The following TGFBR3 variants were observed in gnomAD, a reference collection of about 807,000 sequenced individuals.
TGFBR3 encodes the protein transforming growth factor beta receptor 3.
A neutral mutation model predicts 87.9 loss-of-function variants in TGFBR3; 46 were observed. The ratio of observed to expected loss-of-function variants is 0.52; its 90% CI spans 0.41 to 0.67. TGFBR3 has a LOEUF of 0.67. Ranked by LOEUF, TGFBR3 falls within the 30% of genes least tolerant of loss-of-function variation. The pLI is 0.00. For synonymous variants in TGFBR3, 381 were observed against 391.6 expected (o/e 0.97, Z 0.32); for missense variants, 866 against 1,041.9 (o/e 0.83, Z 2.32).
chr1:91,760,532 T>G (rs1287867504), intron 3 of TGFBR3, among the ~76,000 whole-genome samples: 1 of 152,296 alleles, frequency 6.6e-6, no homozygotes, highest in Middle Eastern at 3.4e-3. Flanking sequence ...AGCAAATTCA[T>G]ATATTTATAT....
At chr1:91,732,764 T>C (rs896597828) in intron 5 of TGFBR3, among the ~76,000 whole-genome samples, 6 of 152,320 alleles carry the variant, frequency 3.9e-5, no homozygotes, top group Middle Eastern at 6.8e-3. Flanking sequence ...CAGTTTTTAC[T>C]GCACCAGACA....
At chr1:91,750,688 G>C (rs1444348599) in intron 4 of TGFBR3, among the ~76,000 whole-genome samples, 3 of 152,160 alleles carry the variant, frequency 2.0e-5, no homozygotes, top group Non-Finnish European at 4.4e-5. Flanking sequence ...CCCTTCAAGA[G>C]AGAATTTATC....
rs756293851 is a variant in TGFBR3 at position 91,681,029 on chromosome 1, C to A, written c.*2710G>T. On this transcript the variant is annotated 3_prime_UTR_variant, in exon 17 of 17. Coordinates refer to ENST00000212355, the MANE Select transcript of TGFBR3 (RefSeq NM_003243.5). ...TGGGGCATTTTAACAACAGCTTCAG[C>A]ATCAAACAAACAACAAAATGGCCTC... 3.3e-5 allele frequency: 15 copies of A among 454,066 alleles called. 1 individual carries two copies. Among genetic ancestry groups the A allele is most frequent in the South Asian group, 2.0e-4 (13 of 64,474 alleles). 28.1% of individuals were successfully genotyped at this position (454,066 alleles called of 1,614,324 possible).
intron 2 of TGFBR3, among the ~76,000 whole-genome samples, chr1:91,825,035 AACC>A (rs983053074): frequency 9.2e-5 from 14 of 152,240 alleles, no homozygotes; most frequent in African/African-American, 3.4e-4. Flanking sequence ...AACACAGAGT[AACC>A]ATATGACCCA....
chr1:91,752,723 T>TA (rs60021429), intron 4 of TGFBR3, among the ~76,000 whole-genome samples: 1,932 of 146,708 alleles, frequency 0.013, 42 homozygotes, highest in African/African-American at 0.045. Flanking sequence ...AAAGCAAGAT[T>TA]AAAAAAAAAA....
At chr1:91,855,531 T>C (rs896824023) in intron 2 of TGFBR3, among the ~76,000 whole-genome samples, 2 of 152,108 alleles carry the variant, frequency 1.3e-5, no homozygotes, top group Admixed American at 1.3e-4. Context: ...TGTAGAACAG[T>C]TGGGAGGTTG....
intron 3 of TGFBR3, among the ~76,000 whole-genome samples, chr1:91,779,089 C>G (rs1474463855): frequency 6.6e-6 from 1 of 152,128 alleles, no homozygotes; most frequent in Non-Finnish European, 1.5e-5. Flanking sequence ...GGGAAAAGAT[C>G]ATTCAGGGCT....
At chr1:91,760,368 A>C (rs545143959) in intron 3 of TGFBR3, among the ~76,000 whole-genome samples, 74 of 152,306 alleles carry the variant, frequency 4.9e-4, no homozygotes, top group African/African-American at 1.6e-3. Flanking sequence ...GTGAGCCCAG[A>C]TCGTGCCACT....
intron 16 of TGFBR3, among the ~76,000 whole-genome samples, chr1:91,690,998 G>C (rs1671244407): frequency 6.6e-6 from 1 of 151,132 alleles, no homozygotes; most frequent in Non-Finnish European, 1.5e-5. Context: ...TTTTTTAAAA[G>C]AAAAGAAATT....
At chr1:91,889,247 T>C (rs1679397067), upstream of TGFBR3, among the ~76,000 whole-genome samples, 1 of 152,180 alleles carries the variant, frequency 6.6e-6, no homozygotes, top group South Asian at 2.1e-4. Context: ...AGAATATGTA[T>C]AAATGAGGCC....
At chr1:91,796,882 A>G (rs61781095) in intron 3 of TGFBR3, among the ~76,000 whole-genome samples, 5 of 151,084 alleles carry the variant, frequency 3.3e-5, no homozygotes, top group Non-Finnish European at 5.9e-5. Context: ...ACACCCTGCT[A>G]ATTTTTTTTT....
At chr1:91,738,655 T>C (rs1408098475) in intron 4 of TGFBR3, among the ~76,000 whole-genome samples, 1 of 152,232 alleles carries the variant, frequency 6.6e-6, no homozygotes, top group Non-Finnish European at 1.5e-5. Flanking sequence ...TGCAGAACCA[T>C]GAGCCAATTA....
Position 91,871,072 on chromosome 1 carries a change from C to G in TGFBR3, c.-113-9428G>C, listed in dbSNP as rs185620386. ...AAAAAAAAAAGATGCTAAGCAACCC[C>G]AAGTCACCAGCTTATAAATCCTGGC... On this transcript the variant is annotated intron_variant, in intron 1 of 16. Transcript: ENST00000212355. Among the ~76,000 whole-genome samples the G allele has an allele frequency of 4.1e-3, 616 of 151,984 alleles. 3 individuals carry two copies. Among genetic ancestry groups the G allele is most frequent in the African/African-American group, 0.014 (598 of 41,480 alleles).
intron 16 of TGFBR3, among the ~76,000 whole-genome samples, chr1:91,692,389 T>A (rs1671296644): frequency 6.6e-6 from 1 of 151,684 alleles, no homozygotes; most frequent in African/African-American, 2.4e-5. Flanking sequence ...AGGGGTGTGA[T>A]TTTTTTTTCA....
At chr1:91,866,377 T>C (rs568682922) in intron 1 of TGFBR3, among the ~76,000 whole-genome samples, 2 of 152,284 alleles carry the variant, frequency 1.3e-5, no homozygotes, top group African/African-American at 2.4e-5. Context: ...TTTGGCACAA[T>C]GAGAGAAAAA....
intron 3 of TGFBR3, among the ~76,000 whole-genome samples, chr1:91,774,486 C>T (rs995675763): frequency 2.0e-5 from 3 of 152,034 alleles, no homozygotes; most frequent in African/African-American, 7.2e-5. Context: ...GAAAGATGAG[C>T]AGGTTTTTTT....
intron 1 of TGFBR3, among the ~76,000 whole-genome samples, chr1:91,868,036 G>A (rs1440006838): frequency 6.6e-6 from 1 of 152,154 alleles, no homozygotes; most frequent in African/African-American, 2.4e-5. Context: ...TCTTGTCTCA[G>A]CCTCCCAAAT....
intron 3 of TGFBR3, among the ~76,000 whole-genome samples, chr1:91,787,479 A>G (rs1675012366): frequency 6.6e-6 from 1 of 152,174 alleles, no homozygotes; most frequent in Admixed American, 6.5e-5. Context: ...CCTCCAGTCC[A>G]TATCTGAGGC....
chr1:91,741,977 T>G (rs975521987), intron 4 of TGFBR3, among the ~76,000 whole-genome samples: 6 of 152,086 alleles, frequency 3.9e-5, no homozygotes, highest in African/African-American at 1.4e-4. Context: ...CTGCCCGCCC[T>G]CATCTCATGC....
Sources: allele counts gnomAD v4.1 joint callset (sites outside exome capture counted in the v4.1 genomes callset), GRCh38; gene constraint gnomAD v4.1.1; transcripts MANE v1.5; gene names NCBI Gene and HGNC (gene_info 2026-07-23, HGNC 2026-07-21).